The following MYO3A variants were observed in gnomAD, a reference collection of about 807,000 sequenced individuals.
MYO3A encodes myosin-IIIa.
Under a neutral mutation model 192.7 loss-of-function variants are expected in MYO3A, and 180 were observed. The observed-to-expected ratio is 0.93, with a 90% CI of 0.83 to 1.06. The LOEUF (loss-of-function observed/expected upper bound fraction) is 1.06. Among genes scored for constraint, MYO3A ranks in the 50% least tolerant of loss-of-function variants. The probability of loss-of-function intolerance (pLI) is 0.00; values close to 1 mark genes in which losing one functional copy is unlikely to be tolerated. For synonymous variants in MYO3A, 628 were observed against 645.3 expected (o/e 0.97, Z 0.41); for missense variants, 1,896 against 1,905.0 (o/e 1.00, Z 0.09).
At chr10:26,198,044 A>G (rs561573190) in intron 32 of MYO3A, among the ~76,000 whole-genome samples, 1 of 152,192 alleles carries the variant, frequency 6.6e-6, no homozygotes, top group South Asian at 2.1e-4. Flanking sequence ...ACTGTAGTAC[A>G]GTACTCTCAG....
intron 22 of MYO3A, 140 bp from the exon 23 acceptor site, chr10:26,147,290 C>A: frequency 2.4e-6 from 2 of 823,428 alleles, no homozygotes; most frequent in Non-Finnish European, 4.0e-6. Flanking sequence ...TAAGGGGCTA[C>A]CTTAGTAAAT....
chr10:26,010,726 T>G (rs1488483254), intron 6 of MYO3A, among the ~76,000 whole-genome samples: 1 of 152,134 alleles, frequency 6.6e-6, no homozygotes, highest in Non-Finnish European at 1.5e-5. Context: ...CCTCCCAAAG[T>G]GCTGGGATTA....
chr10:26,185,559 C>T (rs1033799784), intron 31 of MYO3A, among the ~76,000 whole-genome samples: 7 of 151,802 alleles, frequency 4.6e-5, no homozygotes, highest in Middle Eastern at 3.2e-3. Flanking sequence ...AGACTGGTCT[C>T]GAACTCCTGG....
chr10:25,954,117 A>AAAGGC (rs1837385703), intron 3 of MYO3A, among the ~76,000 whole-genome samples: 1 of 152,096 alleles, frequency 6.6e-6, no homozygotes, highest in Non-Finnish European at 1.5e-5. Flanking sequence ...GCTTAACTTT[A>AAAGGC]TGCCTTTAAA....
chr10:26,188,254 AT>A (rs1454701049), intron 31 of MYO3A, among the ~76,000 whole-genome samples: 3 of 151,966 alleles, frequency 2.0e-5, no homozygotes, highest in South Asian at 4.1e-4. Context: ...GATGATGAGC[AT>A]TTTTTCATGT....
intron 6 of MYO3A, among the ~76,000 whole-genome samples, chr10:26,014,414 G>A (rs11014909): frequency 0.038 from 5,730 of 152,038 alleles, 405 homozygotes; most frequent in African/African-American, 0.13. Flanking sequence ...CAAAACTTTT[G>A]CTTGTTACTG....
At chr10:26,159,108 A>G (rs900575321) in intron 26 of MYO3A, among the ~76,000 whole-genome samples, 3 of 149,446 alleles carry the variant, frequency 2.0e-5, no homozygotes, top group African/African-American at 7.4e-5. Flanking sequence ...CTCCTGCCTC[A>G]GCCTCCTGAA....
rs1306446945 is a variant in MYO3A at position 26,190,026 on chromosome 10, G to A, written c.4439-3179G>A. ...TGCAGTGAGCCAAAATTGCACCATT[G>A]CACTCCAGCCTGGGAGACAGAGCAA... On this transcript the variant is annotated intron_variant, in intron 31 of 34. Transcript: ENST00000642920. Among the ~76,000 whole-genome samples, 4 of 152,022 alleles carry A rather than the reference G, an allele frequency of 2.6e-5. No individual in the cohort carries two copies. The South Asian group carries it at 6.2e-4, about 24-fold the overall frequency.
In MYO3A at chr10:26,070,243, T is replaced by C. The variant is rs912034061; in HGVS notation, c.1275+28T>C. On this transcript the variant is annotated intron_variant, in intron 13 of 34. Coordinates refer to ENST00000642920, the MANE Select transcript of MYO3A (RefSeq NM_017433.5). The stretch of plus-strand genomic sequence containing the variant: ...AAGAAGAGTCTCCCATTCTTAGAAA[T>C]TTACCTCTTAGTTACTTAAATGTCA... 1.9e-6 allele frequency: 3 copies of C among 1,595,892 alleles called. No homozygotes were observed. The African/African-American group carries it at 4.1e-5, about 22-fold the overall frequency.
chr10:26,133,839 G>A (rs930847732), intron 20 of MYO3A, among the ~76,000 whole-genome samples: 6 of 152,124 alleles, frequency 3.9e-5, no homozygotes, highest in Admixed American at 2.6e-4. Flanking sequence ...TAGTACTGTC[G>A]TTTTCTACAT....
intron 9 of MYO3A, among the ~76,000 whole-genome samples, 181 bp downstream of exon 9, chr10:26,024,268 G>T (rs1425246971): frequency 1.3e-5 from 2 of 152,090 alleles, no homozygotes; most frequent in East Asian, 3.9e-4. Flanking sequence ...AATGGCCTTA[G>T]GGTCATGTTT....
chr10:26,085,289 G>A (rs1363770064), intron 14 of MYO3A, among the ~76,000 whole-genome samples: 1 of 150,626 alleles, frequency 6.6e-6, no homozygotes, highest in Non-Finnish European at 1.5e-5. Flanking sequence ...CCTTTCTTCT[G>A]CTAATTTTGG....
intron 6 of MYO3A, among the ~76,000 whole-genome samples, chr10:26,011,650 G>C (rs1841669602): frequency 6.6e-6 from 1 of 152,042 alleles, no homozygotes; most frequent in Non-Finnish European, 1.5e-5. Flanking sequence ...AAAAGTCCAG[G>C]ACCAGACCTA....
chr10:26,140,782 A>T (rs78045762), intron 20 of MYO3A, among the ~76,000 whole-genome samples: 1 of 152,154 alleles, frequency 6.6e-6, no homozygotes, highest in Non-Finnish European at 1.5e-5. Context: ...AAGAAAATAT[A>T]TATAAAATGA....
chr10:25,977,688 T>C (rs1839042978), intron 4 of MYO3A, among the ~76,000 whole-genome samples: 1 of 152,150 alleles, frequency 6.6e-6, no homozygotes, highest in South Asian at 2.1e-4. Flanking sequence ...AAAATGAGAA[T>C]TTTGTGACTT....
intron 14 of MYO3A, among the ~76,000 whole-genome samples, chr10:26,079,039 G>A (rs184061513): frequency 1.6e-3 from 250 of 152,224 alleles, no homozygotes; most frequent in African/African-American, 5.9e-3. Flanking sequence ...TTGTTCCAAG[G>A]TATAGTTTAA....
At chr10:26,154,665 G>A in intron 24 of MYO3A, 81 bp from the exon 25 acceptor site, 1 of 1,300,002 alleles carries the variant, frequency 7.7e-7, no homozygotes, top group Admixed American at 1.8e-5. Context: ...AAGATAGCCT[G>A]AAGGAAAATG....
intron 10 of MYO3A, among the ~76,000 whole-genome samples, chr10:26,051,633 A>C (rs1844011282): frequency 6.7e-6 from 1 of 149,424 alleles, no homozygotes; most frequent in African/African-American, 2.4e-5. Context: ...TATATATTTA[A>C]AATTATTTTG....
chr10:26,050,094 C>T (rs1218966373), intron 10 of MYO3A, among the ~76,000 whole-genome samples: 1 of 151,822 alleles, frequency 6.6e-6, no homozygotes, highest in Non-Finnish European at 1.5e-5. Flanking sequence ...TCTAGGTTCT[C>T]CATAATGAAC....
Sources: gnomAD v4.1 joint callset for allele counts (sites outside exome capture counted in the v4.1 genomes callset) on GRCh38, gnomAD v4.1.1 for gene constraint, MANE v1.5 for transcripts, NCBI Gene and HGNC (gene_info 2026-07-23, HGNC 2026-07-21) for gene names.